The following RAP1GAP2 variants were observed in gnomAD, a reference collection of about 807,000 sequenced individuals.
RAP1GAP2 encodes the protein rap1 GTPase-activating protein 2.
A neutral mutation model predicts 95.0 loss-of-function variants in RAP1GAP2; 27 were observed. The ratio of observed to expected loss-of-function variants is 0.28; its 90% CI spans 0.21 to 0.39. RAP1GAP2 has a LOEUF of 0.39. RAP1GAP2 is among the 10% of genes least tolerant of loss of function. RAP1GAP2 has a pLI of 1.00. For missense variants in RAP1GAP2, 771 were observed against 970.0 expected (o/e 0.79, Z 2.72); for synonymous variants, 373 against 380.9 (o/e 0.98, Z 0.24).
In RAP1GAP2 at chr17:3,032,292, G is replaced by C. The variant is rs1597922448; in HGVS notation, c.2185-119G>C. The C allele has an allele frequency of 4.5e-6, 5 of 1,106,904 alleles. No homozygotes were observed. In the East Asian group the frequency reaches 9.9e-5, roughly 22 times the overall value. 68.6% of individuals were successfully genotyped at this position (1,106,904 alleles called of 1,614,324 possible). On this transcript the variant is annotated intron_variant, in intron 23 of 24. Transcript: ENST00000254695. ...TGAGGTGGGAAGTGCTTGTTCCTGG[G>C]GTCCTGAATCCCTTCCTGAGCTCAC...
intron 3 of RAP1GAP2, among the ~76,000 whole-genome samples, chr17:2,914,245 G>T (rs2042491693): frequency 6.6e-6 from 1 of 152,136 alleles, no homozygotes. Context: ...CACCAGCAGT[G>T]TCATTTGAGT....
At chr17:2,811,930 G>T (rs1188096077) in intron 2 of RAP1GAP2, among the ~76,000 whole-genome samples, 1 of 152,008 alleles carries the variant, frequency 6.6e-6, no homozygotes, top group African/African-American at 2.4e-5. Context: ...GGCCAGGCTG[G>T]TCTCGAACTC....
intron 19 of RAP1GAP2, among the ~76,000 whole-genome samples, chr17:3,025,570 T>C (rs4357976): frequency 0.88 from 134,683 of 152,210 alleles, 59,715 homozygotes; most frequent in African/African-American, 0.93. Context: ...ATATGAAGGA[T>C]GGCCCCCCGG....
chr17:2,887,467 T>A (rs1263718275), intron 2 of RAP1GAP2, among the ~76,000 whole-genome samples: 1 of 151,642 alleles, frequency 6.6e-6, no homozygotes, highest in Non-Finnish European at 1.5e-5. Context: ...CTCCACCTCC[T>A]GGGTTCAAGC....
At chr17:2,991,919 C>T (rs2045768862) in intron 12 of RAP1GAP2, among the ~76,000 whole-genome samples, 1 of 151,942 alleles carries the variant, frequency 6.6e-6, no homozygotes, top group Admixed American at 6.6e-5. Flanking sequence ...CGCCCGCCAA[C>T]ACGCCCAGCT....
intron 2 of RAP1GAP2, among the ~76,000 whole-genome samples, chr17:2,832,284 C>T (rs531893616): frequency 1.4e-4 from 21 of 150,660 alleles, no homozygotes; most frequent in South Asian, 2.1e-4. Flanking sequence ...CTCGGCCGGG[C>T]GCGGTGGCTC....
chr17:2,882,900 G>A (rs1260441857), intron 2 of RAP1GAP2, among the ~76,000 whole-genome samples: 2 of 152,260 alleles, frequency 1.3e-5, no homozygotes, highest in African/African-American at 2.4e-5. Context: ...CTGGCACACC[G>A]TCGGTGCTTT....
intron 3 of RAP1GAP2, among the ~76,000 whole-genome samples, chr17:2,948,890 C>T (rs1158772457): frequency 5.3e-5 from 8 of 152,182 alleles, no homozygotes; most frequent in Non-Finnish European, 7.3e-5. Flanking sequence ...TCTGCTTTGC[C>T]GCCTGGGCAG....
intron 2 of RAP1GAP2, among the ~76,000 whole-genome samples, chr17:2,900,286 T>G (rs1360668741): frequency 6.6e-6 from 1 of 152,170 alleles, no homozygotes; most frequent in African/African-American, 2.4e-5. Context: ...GCCAGAAATG[T>G]TTTCCAAGGC....
intron 8 of RAP1GAP2, among the ~76,000 whole-genome samples, chr17:2,967,327 C>T (rs1176003376): frequency 2.0e-5 from 3 of 152,108 alleles, no homozygotes; most frequent in Non-Finnish European, 4.4e-5. Flanking sequence ...GCAAGGATCG[C>T]ACCACTGCAC....
At chr17:2,901,916 C>T (rs890821958) in intron 2 of RAP1GAP2, among the ~76,000 whole-genome samples, 3 of 152,182 alleles carry the variant, frequency 2.0e-5, no homozygotes, top group African/African-American at 7.2e-5. Flanking sequence ...TAGGCCAAGG[C>T]TAGAACCTGG....
intron 1 of RAP1GAP2, among the ~76,000 whole-genome samples, chr17:2,769,855 T>A (rs2068353200): frequency 6.6e-6 from 1 of 151,780 alleles, no homozygotes; most frequent in Non-Finnish European, 1.5e-5. Context: ...GGTGGATCAC[T>A]TGAGGTCAGG....
intron 2 of RAP1GAP2, among the ~76,000 whole-genome samples, chr17:2,861,624 T>C (rs1174065558): frequency 3.5e-5 from 5 of 143,486 alleles, no homozygotes; most frequent in African/African-American, 1.3e-4. Flanking sequence ...CCCACCACCA[T>C]GCCCAGCTAA....
intron 2 of RAP1GAP2, among the ~76,000 whole-genome samples, chr17:2,894,889 C>T (rs144049385): frequency 3.3e-5 from 5 of 152,274 alleles, no homozygotes; most frequent in Non-Finnish European, 7.4e-5. Context: ...CCCTTCCAGC[C>T]GCTCCGTTCT....
At chr17:2,764,657 G>T (rs750178233) in intron 1 of RAP1GAP2, among the ~76,000 whole-genome samples, 1 of 152,126 alleles carries the variant, frequency 6.6e-6, no homozygotes, top group Non-Finnish European at 1.5e-5. Context: ...GGAGGTGGAG[G>T]TTGCAGTGAG....
intron 17 of RAP1GAP2, among the ~76,000 whole-genome samples, chr17:3,015,453 C>T (rs2046725766): frequency 6.6e-6 from 1 of 152,166 alleles, no homozygotes; most frequent in Non-Finnish European, 1.5e-5. Flanking sequence ...CCAGGGAGAC[C>T]TGTTGTTTGG....
intron 22 of RAP1GAP2, among the ~76,000 whole-genome samples, chr17:3,030,199 C>G (rs547930029): frequency 1.1e-4 from 17 of 150,444 alleles, no homozygotes; most frequent in African/African-American, 3.9e-4. Context: ...CACACACACT[C>G]ACTCTCATGG....
chr17:2,830,075 A>G (rs976406049), intron 2 of RAP1GAP2, among the ~76,000 whole-genome samples: 9 of 152,124 alleles, frequency 5.9e-5, no homozygotes, highest in Admixed American at 2.6e-4. Flanking sequence ...ACAATACATT[A>G]TTGTTGAATG....
Position 2,928,610 on chromosome 17 carries a change from G to A in RAP1GAP2, c.165+23242G>A, listed in dbSNP as rs114036631. Among the ~76,000 whole-genome samples the A allele has an allele frequency of 8.8e-3, 1,335 of 152,308 alleles. 19 individuals carry two copies. Among genetic ancestry groups the A allele is most frequent in the African/African-American group, 0.03 (1,265 of 41,570 alleles). On this transcript the variant is annotated intron_variant, in intron 3 of 24. Coordinates refer to ENST00000254695, the MANE Select transcript of RAP1GAP2 (RefSeq NM_015085.5). ...AGGTCAGATAGCGTTGCCTGGCTAC[G>A]GGGCAGTCAGCGAGGCTCCGGCAGG...
Sources: gnomAD v4.1 joint callset for allele counts (sites outside exome capture counted in the v4.1 genomes callset) on GRCh38, gnomAD v4.1.1 for gene constraint, MANE v1.5 for transcripts, NCBI Gene and HGNC (gene_info 2026-07-23, HGNC 2026-07-21) for gene names.